PCSK6: variants seen among roughly 807,000 people sequenced by gnomAD.
The protein encoded by PCSK6 is paired basic amino acid cleaving enzyme 4.
Under a neutral mutation model 123.3 loss-of-function variants are expected in PCSK6, and 85 were observed. That is an observed-to-expected ratio of 0.69 (90% CI 0.58 to 0.83). PCSK6 has a LOEUF of 0.83. Ranked by LOEUF, PCSK6 falls within the 40% of genes least tolerant of loss-of-function variation. PCSK6 has a pLI of 0.00. For missense variants in PCSK6, 1,191 were observed against 1,282.3 expected, an observed-to-expected ratio of 0.93 and a Z score of 1.09; for synonymous variants, 508 against 516.0, an observed-to-expected ratio of 0.98 and a Z score of 0.21.
At chr15:101,314,880 A>G (rs1295517799) in intron 19 of PCSK6, among the ~76,000 whole-genome samples, 1 of 152,164 alleles carries the variant, frequency 6.6e-6, no homozygotes, top group Non-Finnish European at 1.5e-5. Flanking sequence ...TCTGGAGCAG[A>G]GGCTGCTCGT....
At chr15:101,367,109 C>A (rs1183726068) in intron 12 of PCSK6, among the ~76,000 whole-genome samples, 1 of 152,172 alleles carries the variant, frequency 6.6e-6, no homozygotes, top group African/African-American at 2.4e-5. Context: ...GATGAGCCTC[C>A]CTTTACCCTT....
At position 101,331,956 on chromosome 15, in the gene PCSK6, G is replaced by T; in HGVS notation, c.1934C>A (p.Ser645Tyr). 6.2e-7 allele frequency: 1 copy of T among 1,613,838 alleles called. No individual in the cohort carries two copies. ...TGAGAGCTCCAGCATCCGCGAGCGGGACTGATGGGCACTGAAGGTGTGGTA... is the reference window on the plus strand; with the variant it reads ...TGAGAGCTCCAGCATCCGCGAGCGGTACTGATGGGCACTGAAGGTGTGGTA... Reference protein sequence around the residue: ...HPYHTFSAHQSRSRMLELSAP... With the variant: ...HPYHTFSAHQYRSRMLELSAP... The change falls in exon 14 of 22, where the codon TCC becomes TAC. Residue 645 changes from serine to tyrosine, a missense_variant. Transcript: ENST00000611716.
intron 6 of PCSK6, among the ~76,000 whole-genome samples, chr15:101,410,021 C>T (rs1030302086): frequency 6.6e-6 from 1 of 152,208 alleles, no homozygotes; most frequent in African/African-American, 2.4e-5. Flanking sequence ...CAGCTTCAAA[C>T]ATCTAGGCTT....
At chr15:101,419,023 A>C (rs2055988597) in intron 6 of PCSK6, among the ~76,000 whole-genome samples, 1 of 152,230 alleles carries the variant, frequency 6.6e-6, no homozygotes, top group Non-Finnish European at 1.5e-5. Context: ...TAAAATTAGA[A>C]GTATTCCTGT....
chr15:101,336,422 T>G (rs2040478637), intron 13 of PCSK6, among the ~76,000 whole-genome samples: 1 of 152,174 alleles, frequency 6.6e-6, no homozygotes, highest in Non-Finnish European at 1.5e-5. Flanking sequence ...GACGTAAAAC[T>G]CGTCACACGT....
At chr15:101,313,616 GCCA>G (rs1175537536) in intron 19 of PCSK6, 111 bp from the exon 20 acceptor site, 2 of 1,456,568 alleles carry the variant, frequency 1.4e-6, no homozygotes, top group East Asian at 2.3e-5. Context: ...GAGCCCCCAG[GCCA>G]CCACCACAGC....
chr15:101,444,819 T>C (rs1392183736), intron 1 of PCSK6, among the ~76,000 whole-genome samples: 1 of 152,182 alleles, frequency 6.6e-6, no homozygotes, highest in Admixed American at 6.5e-5. Context: ...TAGTCTGACC[T>C]CAATAGAGTT....
chr15:101,394,768 G>C (rs1044789218), intron 7 of PCSK6, among the ~76,000 whole-genome samples: 1 of 152,184 alleles, frequency 6.6e-6, no homozygotes, highest in Admixed American at 6.5e-5. Context: ...CTCACACCAC[G>C]GGGGTTTGTA....
intron 2 of PCSK6, among the ~76,000 whole-genome samples, chr15:101,438,262 C>T (rs535441692): frequency 2.6e-5 from 4 of 152,348 alleles, no homozygotes; most frequent in South Asian, 2.1e-4. Flanking sequence ...GTTATTTTAG[C>T]TTCAGCAATA....
chr15:101,334,186 C>T (rs1854478158), intron 13 of PCSK6: 1 of 151,886 alleles, frequency 6.6e-6, no homozygotes. Context: ...GGAAGTTGTT[C>T]TCACCGCTGC....
At chr15:101,394,145 T>TG (rs71940356) in intron 7 of PCSK6, among the ~76,000 whole-genome samples, 1 of 21,706 alleles carries the variant, frequency 4.6e-5, no homozygotes, top group East Asian at 3.0e-4. Flanking sequence ...TTGTTTTTTG[T>TG]TTTTTTTTTT....
chr15:101,329,588 A>G (rs978458619), intron 15 of PCSK6, among the ~76,000 whole-genome samples: 1 of 152,214 alleles, frequency 6.6e-6, no homozygotes, highest in Non-Finnish European at 1.5e-5. Flanking sequence ...GTGAGCACAC[A>G]TGGTCCTGCT....
At chr15:101,386,154 C>T (rs560342370) in intron 9 of PCSK6, among the ~76,000 whole-genome samples, 3 of 152,184 alleles carry the variant, frequency 2.0e-5, no homozygotes, top group African/African-American at 7.2e-5. Context: ...TAGGAACGCA[C>T]GCCGCGCCAC....
rs139113712 is a variant in PCSK6 at position 101,366,457 on chromosome 15, G to A, written c.1722-125C>T. 1,940 of 980,962 alleles carry A rather than the reference G, an allele frequency of 2.0e-3. 30 individuals carry two copies. The African/African-American group carries it at 0.027, about 14-fold the overall frequency. 60.8% of individuals were successfully genotyped at this position (980,962 alleles called of 1,614,324 possible). A position where few individuals can be genotyped will look rare whatever the true frequency, so the allele number is the denominator to read the frequency against. On this transcript the variant is annotated intron_variant, in intron 12 of 21. Coordinates refer to ENST00000611716, the MANE Select transcript of PCSK6 (RefSeq NM_002570.5). The stretch of plus-strand genomic sequence containing the variant: ...GGCTGGACCGTACCCCCAGGGTAGC[G>A]GGGGTCTGGCCCCAGCCAACCCGAG...
intron 13 of PCSK6, among the ~76,000 whole-genome samples, chr15:101,344,799 G>A (rs1469641224): frequency 1.3e-5 from 2 of 152,120 alleles, no homozygotes; most frequent in Non-Finnish European, 1.5e-5. Flanking sequence ...CTACTATTAG[G>A]CACACACCAC....
intron 1 of PCSK6, among the ~76,000 whole-genome samples, chr15:101,449,884 G>A (rs2056988447): frequency 1.3e-5 from 2 of 152,142 alleles, no homozygotes; most frequent in Admixed American, 1.3e-4. Context: ...CCGCCTAAGG[G>A]GGTCCCAAGC....
chr15:101,363,833 T>G (rs11633854), intron 13 of PCSK6, among the ~76,000 whole-genome samples: 3,158 of 150,354 alleles, frequency 0.021, 48 homozygotes, highest in Non-Finnish European at 0.032. Flanking sequence ...AGAGATGGGG[T>G]TTCACCGTGT....
rs186502569 is a variant in PCSK6 at position 101,430,055 on chromosome 15, G to A, written c.666C>T (p.Tyr222=). 3.0e-4 allele frequency: 490 copies of A among 1,613,540 alleles called. No homozygotes were observed. Among genetic ancestry groups the A allele is most frequent in the African/African-American group, 1.0e-3 (77 of 75,042 alleles). ...HPDLAPNYDS[Y]ASYDVNGNDY... Reference sequence around the variant, plus strand: ...CATTGCCGTTCACGTCGTAGCTGGCGTAGGAATCCTAAGAAATGGAATCGT... The same window carrying A: ...CATTGCCGTTCACGTCGTAGCTGGCATAGGAATCCTAAGAAATGGAATCGT... Residue 222 remains tyrosine (Y), a synonymous_variant, in exon 5 of 22, where the codon TAC becomes TAT. Coordinates refer to ENST00000611716, the MANE Select transcript of PCSK6 (RefSeq NM_002570.5).
At chr15:101,413,466 A>G (rs1251960881) in intron 6 of PCSK6, among the ~76,000 whole-genome samples, 1 of 105,740 alleles carries the variant, frequency 9.5e-6, no homozygotes, top group Non-Finnish European at 2.3e-5. Flanking sequence ...GGAAGGCAGG[A>G]AAAAAAAAAC....
Sources: gnomAD v4.1 joint callset for allele counts (sites outside exome capture counted in the v4.1 genomes callset) on GRCh38, gnomAD v4.1.1 for gene constraint, MANE v1.5 for transcripts, NCBI Gene and HGNC (gene_info 2026-07-23, HGNC 2026-07-21) for gene names.